ARFGEF2: variants seen among roughly 807,000 people sequenced by gnomAD.
ARFGEF2 encodes ARF guanine nucleotide exchange factor 2.
In ARFGEF2, 74 loss-of-function variants were observed where a neutral mutation model predicts 219.9. The observed-to-expected ratio is 0.34, with a 90% CI of 0.28 to 0.41. The LOEUF (loss-of-function observed/expected upper bound fraction) is 0.41, where lower values mean the gene tolerates loss of function less well. Among genes scored for constraint, ARFGEF2 ranks in the 10% least tolerant of loss-of-function variants. The probability of loss-of-function intolerance (pLI) is 1.00; values close to 1 mark genes in which losing one functional copy is unlikely to be tolerated. For missense variants in ARFGEF2, 1,743 were observed against 2,218.3 expected (o/e 0.79, Z 4.30); for synonymous variants, 733 against 799.2 (o/e 0.92, Z 1.40).
In ARFGEF2 at chr20:48,921,964, G is replaced by A. The variant is rs1346379207; in HGVS notation, c.75G>A (p.Lys25=). The change falls in exon 1 of 39, where the codon AAG becomes AAA. Residue 25 remains lysine (K), a synonymous_variant. Transcript: ENST00000371917. ...AGATCCTAGCCGACAAGGAGGTGAA[G>A]CGGCCCCAGCACTCCCAGCTGCGCA... The part of the protein sequence containing the change: ...LEKILADKEV[K]RPQHSQLRRA... 14 of 1,576,156 alleles carry A rather than the reference G, an allele frequency of 8.9e-6. No homozygotes were observed. Among genetic ancestry groups the A allele is most frequent in the Non-Finnish European group, 9.5e-6 (11 of 1,161,200 alleles).
chr20:48,983,066 G>A (rs530463659), intron 14 of ARFGEF2, among the ~76,000 whole-genome samples: 6 of 152,288 alleles, frequency 3.9e-5, no homozygotes, highest in South Asian at 4.1e-4. Flanking sequence ...AGAAATCACC[G>A]TCTTCTGCGT....
intron 14 of ARFGEF2, among the ~76,000 whole-genome samples, chr20:48,983,585 T>G (rs994425344): frequency 6.6e-6 from 1 of 152,190 alleles, no homozygotes; most frequent in African/African-American, 2.4e-5. Context: ...CTGGCCTCCC[T>G]TGCTGATCTC....
chr20:48,923,735 T>C (rs1327862154), intron 1 of ARFGEF2, among the ~76,000 whole-genome samples: 1 of 152,242 alleles, frequency 6.6e-6, no homozygotes, highest in Non-Finnish European at 1.5e-5. Flanking sequence ...CAGAAGAGTT[T>C]TTATTTTTTC....
chr20:48,954,250 A>G (rs1439277408), intron 6 of ARFGEF2, among the ~76,000 whole-genome samples: 2 of 152,222 alleles, frequency 1.3e-5, no homozygotes, highest in Non-Finnish European at 2.9e-5. Context: ...GGATAGACAG[A>G]TGGACAGATA....
At position 48,994,616 on chromosome 20, in the gene ARFGEF2, A is replaced by C. The variant is rs548506597; in HGVS notation, c.3121+18A>C. 1 of 1,612,948 alleles carries C rather than the reference A, an allele frequency of 6.2e-7. No homozygotes were observed. The highest frequency in any genetic ancestry group is 1.7e-5 in the Admixed American group (1 of 60,014). On this transcript the variant is annotated intron_variant, in intron 22 of 38. Coordinates refer to ENST00000371917, the MANE Select transcript of ARFGEF2 (RefSeq NM_006420.3). The stretch of plus-strand genomic sequence containing the variant: ...TGGCCTCGGTAAGACACCAGGCCCC[A>C]CAGCTAACAGTCACGGATTTGCAAG...
chr20:48,928,192 CTT>C (rs747462352), intron 1 of ARFGEF2, among the ~76,000 whole-genome samples: 78 of 104,754 alleles, frequency 7.4e-4, no homozygotes, highest in Middle Eastern at 0.014. Flanking sequence ...GTGTTGCAAT[CTT>C]TTTTTTTTTT....
chr20:49,010,167 C>T (rs1036444927), intron 26 of ARFGEF2, 65 bp from the exon 27 acceptor site: 1 of 1,551,602 alleles, frequency 6.4e-7, no homozygotes, highest in Non-Finnish European at 8.8e-7. Context: ...AAGGGATGAG[C>T]TATGTTCATT....
rs143415821 is a variant in ARFGEF2 at position 48,991,144 on chromosome 20, G to A, written c.2919G>A (p.Thr973=). The change falls in exon 21 of 39, where the codon ACG becomes ACA. Residue 973 remains threonine, a synonymous_variant. Transcript: ENST00000371917. ...AGAAAAACATCGACACCATTAAGAC[G>A]CTTATCACAGTGGCTCACACCGATG... The part of the protein sequence containing the change: ...MKQKNIDTIK[T]LITVAHTDGN... 3.2e-5 allele frequency: 52 copies of A among 1,613,992 alleles called. No homozygotes were observed. The highest frequency in any genetic ancestry group is 4.0e-5 in the Non-Finnish European group (47 of 1,180,044).
rs750090835 is a variant in ARFGEF2 at position 49,010,274 on chromosome 20, G to A, written c.3627G>A (p.Gln1209=). Residue 1209 remains glutamine, a synonymous_variant, in exon 27 of 39, where the codon CAG becomes CAA. Coordinates refer to ENST00000371917, the MANE Select transcript of ARFGEF2 (RefSeq NM_006420.3). ...ACATGGCGATCCGCTGCATTGCCCAGATGGTGAACTCCCAGGCGGCCAACA... is the reference window on the plus strand; with the variant it reads ...ACATGGCGATCCGCTGCATTGCCCAAATGGTGAACTCCCAGGCGGCCAACA... ...IRDMAIRCIA[Q]MVNSQAANIR... is the part of the protein sequence containing the mutation. 1.9e-6 allele frequency: 3 copies of A among 1,614,216 alleles called. No homozygotes were observed. Among genetic ancestry groups the A allele is most frequent in the East Asian group, 2.2e-5 (1 of 44,896 alleles).
chr20:48,950,528 C>G (rs1294482646), intron 3 of ARFGEF2, among the ~76,000 whole-genome samples: 1 of 151,808 alleles, frequency 6.6e-6, no homozygotes, highest in Non-Finnish European at 1.5e-5. Context: ...GGCGCGGTGG[C>G]TCACATCTGT....
rs2090991152 is a variant in ARFGEF2, at chr20:48,941,194, A to T, written c.122-5A>T. On this transcript the variant is annotated splice_region_variant and splice_polypyrimidine_tract_variant and intron_variant, in intron 1 of 38. Coordinates refer to ENST00000371917, the MANE Select transcript of ARFGEF2 (RefSeq NM_006420.3). ...CTAATGTGTTTTTTCTTCCTTCCTT[A>T]CCAGATGAAATTAAAGCAGAAATAG... 11 of 1,612,874 alleles carry T rather than the reference A, an allele frequency of 6.8e-6. No homozygotes were observed. The highest frequency in any genetic ancestry group is 1.7e-5 in the Admixed American group (1 of 59,918).
intron 6 of ARFGEF2, among the ~76,000 whole-genome samples, chr20:48,961,086 A>T (rs1044301508): frequency 6.8e-6 from 1 of 146,328 alleles, no homozygotes; most frequent in Non-Finnish European, 1.5e-5. Context: ...CTCAAAATAT[A>T]ATAATAATAA....
chr20:48,965,160 A>G (rs1472946939), intron 7 of ARFGEF2, among the ~76,000 whole-genome samples: 2 of 152,208 alleles, frequency 1.3e-5, no homozygotes, highest in East Asian at 1.9e-4. Context: ...AGAAGTCATC[A>G]CATAATGGAT....
intron 14 of ARFGEF2, among the ~76,000 whole-genome samples, chr20:48,976,755 C>T (rs2091264730): frequency 6.6e-6 from 1 of 152,116 alleles, no homozygotes; most frequent in African/African-American, 2.4e-5. Flanking sequence ...TTGCAGTGAG[C>T]AGAGATTGCG....
rs2123420984 is a variant in ARFGEF2, at chr20:48,973,142, A to G, written c.1526-3A>G. ...TTCTGATACTTGTATGTTATTTTCC[A>G]AGATGCCCAGTGTGTTGTGGATATT... is the stretch of plus-strand genomic sequence containing the variant. On this transcript the variant is annotated splice_polypyrimidine_tract_variant and splice_region_variant and intron_variant, in intron 11 of 38. Transcript: ENST00000371917. 6.2e-7 allele frequency: 1 copy of G among 1,614,136 alleles called. No homozygotes were observed. The highest frequency in any genetic ancestry group is 1.7e-5 in the Admixed American group (1 of 60,030).
intron 25 of ARFGEF2, among the ~76,000 whole-genome samples, chr20:48,998,744 A>C (rs2091407029): frequency 6.6e-6 from 1 of 152,200 alleles, no homozygotes; most frequent in Non-Finnish European, 1.5e-5. Flanking sequence ...CACATGCAGG[A>C]TGTAGGCTAA....
At chr20:48,967,377 T>C (rs2091194565) in intron 8 of ARFGEF2, among the ~76,000 whole-genome samples, 1 of 152,254 alleles carries the variant, frequency 6.6e-6, no homozygotes. Context: ...TCCAGTTTTA[T>C]CATAGGAAAT....
intron 1 of ARFGEF2, among the ~76,000 whole-genome samples, chr20:48,932,253 C>G (rs2090917761): frequency 6.6e-6 from 1 of 152,158 alleles, no homozygotes; most frequent in Admixed American, 6.5e-5. Flanking sequence ...AGGGAGTCTC[C>G]TTGTGCCCAC....
At chr20:48,978,139 T>C (rs1013833782) in intron 14 of ARFGEF2, among the ~76,000 whole-genome samples, 1 of 152,234 alleles carries the variant, frequency 6.6e-6, no homozygotes, top group Non-Finnish European at 1.5e-5. Flanking sequence ...TAATCCATCT[T>C]GAATTAATTT....
Sources: allele counts gnomAD v4.1 joint callset (sites outside exome capture counted in the v4.1 genomes callset), GRCh38; gene constraint gnomAD v4.1.1; transcripts MANE v1.5; gene names NCBI Gene and HGNC (gene_info 2026-07-23, HGNC 2026-07-21).